CD47: variants seen among roughly 807,000 people sequenced by gnomAD.
The protein encoded by CD47 is CD47 molecule.
A neutral mutation model predicts 44.6 loss-of-function variants in CD47; 11 were observed. That is an observed-to-expected ratio of 0.25 (90% CI 0.16 to 0.41). CD47 has a LOEUF of 0.41. CD47 is among the 10% of genes least tolerant of loss of function. CD47 has a pLI of 1.00. For synonymous variants in CD47, 140 were observed against 136.3 expected (o/e 1.03, Z -0.19); for missense variants, 306 against 386.7 (o/e 0.79, Z 1.75).
intron 2 of CD47, among the ~76,000 whole-genome samples, chr3:108,075,960 C>T (rs1395403280): frequency 6.6e-6 from 1 of 152,224 alleles, no homozygotes; most frequent in Non-Finnish European, 1.5e-5. Context: ...GGAGCTGCTA[C>T]AATTCCTTGG....
At position 108,080,366 on chromosome 3, in the gene CD47, G is replaced by C. The variant is rs375295527; in HGVS notation, c.47-22C>G. On this transcript the variant is annotated intron_variant, in intron 1 of 10. Coordinates refer to ENST00000361309, the MANE Select transcript of CD47 (RefSeq NM_001777.4). Reference sequence around the variant, plus strand: ...GATCCTGGAAAGGAAAAAGAAAAATGTTTCATTAATTATAGAAGTCTGTAC... The same window carrying C: ...GATCCTGGAAAGGAAAAAGAAAAATCTTTCATTAATTATAGAAGTCTGTAC... 20 of 1,290,810 alleles carry C rather than the reference G, an allele frequency of 1.5e-5. No individual in the cohort carries two copies. The African/African-American group carries it at 2.7e-4, about 17-fold the overall frequency. 80.0% of individuals were successfully genotyped at this position (1,290,810 alleles called of 1,614,324 possible). A position where few individuals can be genotyped will look rare whatever the true frequency, so the allele number is the denominator to read the frequency against.
chr3:108,090,928 T>TCGC lies in CD47; in HGVS notation c.-23_-21dup, dbSNP rs777402280. ...CCACATCTCCGCGCCCGCCGCGGGG[T>TCGC]CGCCGCCGCCGCCGCAGGTGTCCGG... On this transcript the variant is annotated 5_prime_UTR_variant, in exon 1 of 11. Transcript: ENST00000361309. 46 of 1,446,200 alleles carry TCGC rather than the reference T, an allele frequency of 3.2e-5. No individual in the cohort carries two copies. Among genetic ancestry groups the TCGC allele is most frequent in the Middle Eastern group, 2.5e-4 (1 of 4,074 alleles). The allele number at this position is 1,446,200 out of a possible 1,614,324, so 89.6% of individuals were successfully genotyped here.
chr3:108,058,266 GA>G, intron 6 of CD47, 70 bp downstream of exon 6: 1 of 859,264 alleles, frequency 1.2e-6, no homozygotes, highest in Non-Finnish European at 1.7e-6. Context: ...AAGAGAGAAA[GA>G]AAAAGAAAAA....
chr3:108,089,401 T>C (rs2079584681), intron 1 of CD47, among the ~76,000 whole-genome samples: 1 of 152,236 alleles, frequency 6.6e-6, no homozygotes, highest in African/African-American at 2.4e-5. Context: ...CTAAACTACG[T>C]GATTTAAATC....
chr3:108,047,273 A>G lies in CD47; in HGVS notation c.*15T>C. On this transcript the variant is annotated 3_prime_UTR_variant, in exon 11 of 11. Transcript: ENST00000361309. ...CTTACTACTCTCCAAATCGGAGTCC[A>G]TCACTTCACTTCAGTTATTCTGGAA... 1.2e-6 allele frequency: 2 copies of G among 1,604,346 alleles called. No homozygotes were observed. The highest frequency in any genetic ancestry group is 1.7e-6 in the Non-Finnish European group (2 of 1,172,288).
chr3:108,079,942 C>T, intron 2 of CD47, 49 bp downstream of exon 2: 1 of 1,266,182 alleles, frequency 7.9e-7, no homozygotes, highest in Non-Finnish European at 1.1e-6. Context: ...GAAAGAGGAT[C>T]AGGTTGCACC....
chr3:108,074,154 G>A (rs1412578177), intron 2 of CD47, among the ~76,000 whole-genome samples: 1 of 152,062 alleles, frequency 6.6e-6, no homozygotes, highest in Admixed American at 6.6e-5. Flanking sequence ...AATCTGAATC[G>A]CCAGCTACTT....
At chr3:108,059,986 C>T (rs1433574789) in intron 4 of CD47, among the ~76,000 whole-genome samples, 2 of 152,198 alleles carry the variant, frequency 1.3e-5, no homozygotes, top group Non-Finnish European at 2.9e-5. Context: ...CATTCTTCTC[C>T]ACAAACGATG....
chr3:108,065,706 G>A lies in CD47; in HGVS notation c.491-4854C>T, dbSNP rs758598747. On this transcript the variant is annotated intron_variant, in intron 3 of 10. Transcript: ENST00000361309. Reference sequence around the variant, plus strand: ...CACGCCAGTAGCCTGTAGCTACTCGGGAGGCTGAGACAGAAGAATCGCTTG... The same window carrying A: ...CACGCCAGTAGCCTGTAGCTACTCGAGAGGCTGAGACAGAAGAATCGCTTG... Among the ~76,000 whole-genome samples, 3 of 151,394 alleles carry A rather than the reference G, an allele frequency of 2.0e-5. No individual in the cohort carries two copies. The South Asian group carries it at 6.3e-4, about 32-fold the overall frequency.
At position 108,059,357 on chromosome 3, in the gene CD47, G is replaced by A. The variant is rs1052300288; in HGVS notation, c.691+95C>T. 3 of 558,288 alleles carry A rather than the reference G, an allele frequency of 5.4e-6. No individual in the cohort carries two copies. The Admixed American group carries it at 1.0e-4, about 19-fold the overall frequency. 34.6% of individuals were successfully genotyped at this position (558,288 alleles called of 1,614,324 possible). A position where few individuals can be genotyped will look rare whatever the true frequency, so the allele number is the denominator to read the frequency against. ...ATCTTTTAATAAACCTACTCTTATT[G>A]AGTTGTAAAAAATTTATATGAGCAT... On this transcript the variant is annotated intron_variant, in intron 5 of 10. Coordinates refer to ENST00000361309, the MANE Select transcript of CD47 (RefSeq NM_001777.4).
intron 4 of CD47, 92 bp from the exon 5 acceptor site, chr3:108,059,636 A>T (rs2078976597): frequency 1.3e-5 from 7 of 559,054 alleles, no homozygotes; most frequent in Admixed American, 3.6e-5. Flanking sequence ...TGAAAATTTT[A>T]AAAATATACG....
chr3:108,060,048 A>G (rs2078983953), intron 4 of CD47, among the ~76,000 whole-genome samples: 1 of 152,136 alleles, frequency 6.6e-6, no homozygotes, highest in Non-Finnish European at 1.5e-5. Flanking sequence ...TTTTCTTTAC[A>G]TGTGCTACAT....
Position 108,090,950 on chromosome 3 carries a change from C to CTGGAG in CD47, c.-43_-42insCTCCA, listed in dbSNP as rs1362495266. 239 of 1,411,726 alleles carry CTGGAG rather than the reference C, an allele frequency of 1.7e-4. 1 individual carries two copies. In the African/African-American group the frequency reaches 3.2e-3, roughly 19 times the overall value. The allele number at this position is 1,411,726 out of a possible 1,614,324, so 87.4% of individuals were successfully genotyped here. A position where few individuals can be genotyped will look rare whatever the true frequency, so the allele number is the denominator to read the frequency against. On this transcript the variant is annotated 5_prime_UTR_variant, in exon 1 of 11. Transcript: ENST00000361309. ...GGGTCGCCGCCGCCGCCGCAGGTGT[C>CTGGAG]CGGAGCAGCAGCCGCCGCCGCCGTT...
In CD47 at chr3:108,090,956, C is replaced by A; in HGVS notation, c.-48G>T. 7.4e-7 allele frequency: 1 copy of A among 1,346,802 alleles called. No individual in the cohort carries two copies. The highest frequency in any genetic ancestry group is 9.8e-7 in the Non-Finnish European group (1 of 1,021,458). 83.4% of individuals were successfully genotyped at this position (1,346,802 alleles called of 1,614,324 possible). ...CCGCCGCCGCCGCAGGTGTCCGGAGCAGCAGCCGCCGCCGCCGTTACAGGC... is the reference window on the plus strand; with the variant it reads ...CCGCCGCCGCCGCAGGTGTCCGGAGAAGCAGCCGCCGCCGCCGTTACAGGC... On this transcript the variant is annotated 5_prime_UTR_variant, in exon 1 of 11. Coordinates refer to ENST00000361309, the MANE Select transcript of CD47 (RefSeq NM_001777.4).
At position 108,066,250 on chromosome 3, in the gene CD47, T is replaced by C. The variant is rs142940953; in HGVS notation, c.490+4843A>G. On this transcript the variant is annotated intron_variant, in intron 3 of 10. Transcript: ENST00000361309. Reference sequence around the variant, plus strand: ...TAATTTTGAGCAGGGAGGGGAAAGTTGAAAAAAAAAAATTAAAGATGCCTA... The same window carrying C: ...TAATTTTGAGCAGGGAGGGGAAAGTCGAAAAAAAAAAATTAAAGATGCCTA... Among the ~76,000 whole-genome samples the C allele has an allele frequency of 3.8e-3, 574 of 151,562 alleles. 3 individuals carry two copies. The highest frequency in any genetic ancestry group is 0.012 in the African/African-American group (496 of 41,364).
At position 108,061,936 on chromosome 3, in the gene CD47, A is replaced by G. The variant is rs571066478; in HGVS notation, c.491-1084T>C. Among the ~76,000 whole-genome samples, 49 of 152,332 alleles carry G rather than the reference A, an allele frequency of 3.2e-4. 1 individual carries two copies. The highest frequency in any genetic ancestry group is 1.2e-3 in the African/African-American group (48 of 41,578). ...ACATTAAATAAAGTAAAAGCAATAA[A>G]TAAGCCCCTAAATGATTGTGATAAA... On this transcript the variant is annotated intron_variant, in intron 3 of 10. Transcript: ENST00000361309.
rs990432259 is a variant in CD47, at chr3:108,057,618, T to C, written c.785-49A>G. The C allele has an allele frequency of 5.2e-6, 5 of 955,572 alleles. No homozygotes were observed. In the South Asian group the frequency reaches 5.6e-5, roughly 11 times the overall value. 59.2% of individuals were successfully genotyped at this position (955,572 alleles called of 1,614,324 possible). A position where few individuals can be genotyped will look rare whatever the true frequency, so the allele number is the denominator to read the frequency against. ...TATTAGAAAAGCATATGAAATAACT[T>C]ACTAAAAAACAGTAATAATCCCAAG... is the stretch of plus-strand genomic sequence containing the variant. On this transcript the variant is annotated intron_variant, in intron 6 of 10. Coordinates refer to ENST00000361309, the MANE Select transcript of CD47 (RefSeq NM_001777.4).
rs971786479 is a variant in CD47 at position 108,046,341 on chromosome 3, A to C, written c.*947T>G. On this transcript the variant is annotated 3_prime_UTR_variant, in exon 11 of 11. Coordinates refer to ENST00000361309, the MANE Select transcript of CD47 (RefSeq NM_001777.4). ...TGCTTTTTTCATGCCCCAGATCAGAAAAGAAGTGAAGAAACACTGTAGATT... is the reference window on the plus strand; with the variant it reads ...TGCTTTTTTCATGCCCCAGATCAGACAAGAAGTGAAGAAACACTGTAGATT... The C allele has an allele frequency of 7.2e-5, 11 of 152,782 alleles. No homozygotes were observed. Among genetic ancestry groups the C allele is most frequent in the African/African-American group, 2.6e-4 (11 of 41,582 alleles). The allele number at this position is 152,782 out of a possible 1,614,324, so 9.5% of individuals were successfully genotyped here. A position where few individuals can be genotyped will look rare whatever the true frequency, so the allele number is the denominator to read the frequency against.
intron 10 of CD47, among the ~76,000 whole-genome samples, chr3:108,049,317 G>C (rs977637601): frequency 1.3e-5 from 2 of 152,106 alleles, no homozygotes; most frequent in African/African-American, 4.8e-5. Context: ...CTTATAAAAG[G>C]CATCTTAAAG....
Sources: gnomAD v4.1 joint callset for allele counts (sites outside exome capture counted in the v4.1 genomes callset) on GRCh38, gnomAD v4.1.1 for gene constraint, MANE v1.5 for transcripts, NCBI Gene and HGNC (gene_info 2026-07-23, HGNC 2026-07-21) for gene names.